The following CFLAR variants were observed in gnomAD, a reference collection of about 807,000 sequenced individuals.
CFLAR encodes CASP8 and FADD-like apoptosis regulator.
CFLAR carries 14 observed loss-of-function variants against 51.1 expected under a neutral mutation model. The ratio of observed to expected loss-of-function variants is 0.27; its 90% CI spans 0.18 to 0.43. The LOEUF (loss-of-function observed/expected upper bound fraction) is 0.43, where lower values mean the gene tolerates loss of function less well. CFLAR is among the 20% of genes least tolerant of loss of function. The probability of loss-of-function intolerance (pLI) is 1.00; values close to 1 mark genes in which losing one functional copy is unlikely to be tolerated. For synonymous variants in CFLAR, 210 were observed against 211.6 expected, an observed-to-expected ratio of 0.99 and a Z score of 0.06; for missense variants, 390 against 566.5, an observed-to-expected ratio of 0.69 and a Z score of 3.16.
At position 201,116,299 on chromosome 2, in the gene CFLAR, C is replaced by G. The variant is rs889831284; in HGVS notation, c.-320C>G. 6.6e-6 allele frequency: 1 copy of G among 152,276 alleles called. No individual in the cohort carries two copies. The highest frequency in any genetic ancestry group is 1.5e-5 in the Non-Finnish European group (1 of 68,068). 9.4% of individuals were successfully genotyped at this position (152,276 alleles called of 1,614,324 possible). A position where few individuals can be genotyped will look rare whatever the true frequency, so the allele number is the denominator to read the frequency against. The stretch of plus-strand genomic sequence containing the variant: ...CTATTGGACTTTTGTCCAGTGACAG[C>G]TGAGACAACAAGGACCACGGGAGGA... On this transcript the variant is annotated 5_prime_UTR_variant, in exon 1 of 10. Coordinates refer to ENST00000309955, the MANE Select transcript of CFLAR (RefSeq NM_003879.7). The surrounding 1 kb of genome is among the most constrained non-coding windows in gnomAD (Gnocchi z 4.8).
chr2:201,125,172 T>C (rs558374334), intron 1 of CFLAR, among the ~76,000 whole-genome samples: 1 of 152,208 alleles, frequency 6.6e-6, no homozygotes, highest in Non-Finnish European at 1.5e-5. Flanking sequence ...GCGTCAGTAT[T>C]GCTGATTGTC....
chr2:201,126,348 G>A (rs2048708673), intron 1 of CFLAR, among the ~76,000 whole-genome samples: 1 of 152,142 alleles, frequency 6.6e-6, no homozygotes, highest in Admixed American at 6.5e-5. Context: ...TCAATCTGAC[G>A]AATTCCTGAG....
chr2:201,120,188 A>ATT (rs397871722), intron 1 of CFLAR, among the ~76,000 whole-genome samples: 13 of 130,410 alleles, frequency 1.0e-4, no homozygotes, highest in South Asian at 2.5e-4. Context: ...ACCCAGCTAC[A>ATT]TTTTTTTTTT....
intron 4 of CFLAR, chr2:201,140,042 C>T: frequency 3.1e-6 from 1 of 318,648 alleles, no homozygotes. Flanking sequence ...CCGCGAGACC[C>T]CGCGACCCGA....
intron 1 of CFLAR, among the ~76,000 whole-genome samples, chr2:201,126,153 A>AG (rs1281422184): frequency 6.6e-6 from 1 of 151,542 alleles, no homozygotes; most frequent in Non-Finnish European, 1.5e-5. Flanking sequence ...GCCTCGAAGA[A>AG]GGGGCTAGAT....
rs1351723255 is a variant in CFLAR at position 201,171,274 on chromosome 2, C to T, written c.*7301C>T. ...AATTACTTACGCATGTAACCAGATA[C>T]CACCTGTTCCCCAAACACCTATGGA... On this transcript the variant is annotated 3_prime_UTR_variant, in exon 10 of 10. Transcript: ENST00000309955. 2.6e-5 allele frequency: 4 copies of T among 152,158 alleles called. No individual in the cohort carries two copies. In the South Asian group the frequency reaches 8.3e-4, roughly 32 times the overall value. 9.4% of individuals were successfully genotyped at this position (152,158 alleles called of 1,614,324 possible). A position where few individuals can be genotyped will look rare whatever the true frequency, so the allele number is the denominator to read the frequency against.
At chr2:201,117,592 A>C (rs537777364) in intron 1 of CFLAR, among the ~76,000 whole-genome samples, 19 of 152,270 alleles carry the variant, frequency 1.2e-4, no homozygotes, top group African/African-American at 3.4e-4. Flanking sequence ...AACTGCGATA[A>C]TCTACAACAG....
rs2048450669 is a variant in CFLAR, at chr2:201,124,065, G to A, written c.-137-5664G>A. ...ACATGACATTGCTTTCATGCCATAC[G>A]ATGACCTTGCTTCACTAGAGAAGCA... On this transcript the variant is annotated intron_variant, in intron 1 of 9. Transcript: ENST00000309955. The surrounding 1 kb of genome is among the most constrained non-coding windows in gnomAD (Gnocchi z 4.7). Among the ~76,000 whole-genome samples, 3 of 152,172 alleles carry A rather than the reference G, an allele frequency of 2.0e-5. No individual in the cohort carries two copies. Among genetic ancestry groups the A allele is most frequent in the South Asian group, 2.1e-4 (1 of 4,836 alleles).
At chr2:201,147,972 A>G (rs918651040) in intron 6 of CFLAR, 1 of 152,262 alleles carries the variant, frequency 6.6e-6, no homozygotes, top group African/African-American at 2.4e-5. Context: ...GAGGATGGTG[A>G]TAACTTCAAT....
At chr2:201,148,670 T>C (rs1471256318) in intron 6 of CFLAR, 2 of 267,798 alleles carry the variant, frequency 7.5e-6, no homozygotes, top group East Asian at 7.9e-5. Context: ...ATCAGTATTG[T>C]TGGGTGGTGA....
intron 2 of CFLAR, among the ~76,000 whole-genome samples, chr2:201,130,610 C>T (rs1254834895): frequency 6.6e-6 from 1 of 152,066 alleles, no homozygotes. Context: ...AAGTGATCCA[C>T]CTGCCTTGGC....
Position 201,138,473 on chromosome 2 carries a change from C to A in CFLAR, c.524-1884C>A. ...CTAAGCTGCAGGATCTCATTTGCCT[C>A]TTTCAACCTCACACTGCTGGAGCCA... On this transcript the variant is annotated intron_variant, in intron 4 of 9. Transcript: ENST00000309955. The surrounding 1 kb of genome is among the most constrained non-coding windows in gnomAD (Gnocchi z 4.0). 2.0e-6 allele frequency: 2 copies of A among 1,015,530 alleles called. No homozygotes were observed. Among genetic ancestry groups the A allele is most frequent in the Non-Finnish European group, 3.1e-6 (2 of 643,558 alleles). 62.9% of individuals were successfully genotyped at this position (1,015,530 alleles called of 1,614,324 possible). A position where few individuals can be genotyped will look rare whatever the true frequency, so the allele number is the denominator to read the frequency against.
chr2:201,126,017 T>C (rs2048662067), intron 1 of CFLAR, among the ~76,000 whole-genome samples: 1 of 151,668 alleles, frequency 6.6e-6, no homozygotes. Context: ...TGGCCAGAGT[T>C]TGTAGCATGC....
Position 201,138,047 on chromosome 2 carries a change from G to A in CFLAR, c.523+1940G>A. On this transcript the variant is annotated intron_variant, in intron 4 of 9. Coordinates refer to ENST00000309955, the MANE Select transcript of CFLAR (RefSeq NM_003879.7). This position sits in a 1 kb window ranked among gnomAD's most constrained non-coding sequence, Gnocchi z 4.0. The stretch of plus-strand genomic sequence containing the variant: ...CAGCAGTGCCCTGGGGCTGACTGCA[G>A]GCTATCACTTCCTGGTTGATGTAGA... 1 of 724,090 alleles carries A rather than the reference G, an allele frequency of 1.4e-6. No homozygotes were observed. Among genetic ancestry groups the A allele is most frequent in the Non-Finnish European group, 2.6e-6 (1 of 390,510 alleles). The allele number at this position is 724,090 out of a possible 1,614,324, so 44.9% of individuals were successfully genotyped here. A position where few individuals can be genotyped will look rare whatever the true frequency, so the allele number is the denominator to read the frequency against.
chr2:201,142,618 A>T (rs1454003714), intron 5 of CFLAR: 1 of 152,226 alleles, frequency 6.6e-6, no homozygotes, highest in Non-Finnish European at 1.5e-5. Flanking sequence ...TGTTTTTTTG[A>T]GACAGAGTTT....
At chr2:201,150,597 C>G (rs1941122743) in intron 8 of CFLAR, 1 of 148,198 alleles carries the variant, frequency 6.7e-6, no homozygotes, top group Non-Finnish European at 1.5e-5. Context: ...GAGCTTTGTT[C>G]ATGTGGCTAT....
Position 201,176,230 on chromosome 2 carries a change from T to C in CFLAR, c.*12257T>C, listed in dbSNP as rs1017583930. 2.2e-5 allele frequency: 3 copies of C among 134,078 alleles called. 1 individual carries two copies. The highest frequency in any genetic ancestry group is 8.5e-5 in the African/African-American group (3 of 35,436). The allele number at this position is 134,078 out of a possible 1,614,324, so 8.3% of individuals were successfully genotyped here. A position where few individuals can be genotyped will look rare whatever the true frequency, so the allele number is the denominator to read the frequency against. On this transcript the variant is annotated 3_prime_UTR_variant, in exon 10 of 10. Coordinates refer to ENST00000309955, the MANE Select transcript of CFLAR (RefSeq NM_003879.7). ...ATCTTGTGTTACTTTTCCCCACTCC[T>C]GAGATCTTTTTGAGAAGCTGATGAT...
intron 8 of CFLAR, 92 bp downstream of exon 8, chr2:201,149,927 C>A: frequency 1.1e-6 from 1 of 917,176 alleles, no homozygotes; most frequent in Non-Finnish European, 1.8e-6. Flanking sequence ...GCACCAACTG[C>A]CGTGACAAAC....
Position 201,138,808 on chromosome 2 carries a change from G to A in CFLAR, c.524-1549G>A. 1 of 755,972 alleles carries A rather than the reference G, an allele frequency of 1.3e-6. No homozygotes were observed. The highest frequency in any genetic ancestry group is 2.4e-6 in the Non-Finnish European group (1 of 410,648). The allele number at this position is 755,972 out of a possible 1,614,324, so 46.8% of individuals were successfully genotyped here. A position where few individuals can be genotyped will look rare whatever the true frequency, so the allele number is the denominator to read the frequency against. On this transcript the variant is annotated intron_variant, in intron 4 of 9. Coordinates refer to ENST00000309955, the MANE Select transcript of CFLAR (RefSeq NM_003879.7). The surrounding 1 kb of genome is among the most constrained non-coding windows in gnomAD (Gnocchi z 4.0). ...TGAATGAAACCAGTACCTCCCATCA[G>A]AGCCATCACGATGGCCAGGTCGGCC...
Sources: gnomAD v4.1 joint callset for allele counts (sites outside exome capture counted in the v4.1 genomes callset) on GRCh38, gnomAD v4.1.1 for gene constraint, Gnocchi (gnomAD v3.1) non-coding constraint, MANE v1.5 for transcripts, NCBI Gene and HGNC (gene_info 2026-07-23, HGNC 2026-07-21) for gene names.